ADCY2: variants seen among roughly 807,000 people sequenced by gnomAD.
The protein encoded by ADCY2 is adenylate cyclase type 2.
Under a neutral mutation model 125.2 loss-of-function variants are expected in ADCY2, and 31 were observed. That is an observed-to-expected ratio of 0.25 (90% CI 0.19 to 0.33). The LOEUF (loss-of-function observed/expected upper bound fraction) is 0.33, where lower values mean the gene tolerates loss of function less well. Ranked by LOEUF, ADCY2 falls within the 10% of genes least tolerant of loss-of-function variation. The pLI, the probability that ADCY2 is intolerant of heterozygous loss-of-function variation, is 1.00. For synonymous variants in ADCY2, 512 were observed against 548.4 expected (o/e 0.93, Z 0.93); for missense variants, 904 against 1,418.2 (o/e 0.64, Z 5.82).
chr5:7,573,593 C>CTTTTTTTTTTTTTTTTTTTTTTTT (rs763347773), intron 3 of ADCY2, among the ~76,000 whole-genome samples: 7 of 86,358 alleles, frequency 8.1e-5, no homozygotes, highest in South Asian at 3.6e-4. Flanking sequence ...GGTTGATTTT[C>CTTTTTTTTTTTTTTTTTTTTTTTT]TTTTTTTTTT....
intron 2 of ADCY2, among the ~76,000 whole-genome samples, chr5:7,480,496 C>T (rs985147880): frequency 6.6e-6 from 1 of 152,100 alleles, no homozygotes; most frequent in African/African-American, 2.4e-5. Context: ...AAGACTAATA[C>T]ATGAACAGAA....
At chr5:7,645,802 A>G (rs1338401382) in intron 4 of ADCY2, among the ~76,000 whole-genome samples, 1 of 152,232 alleles carries the variant, frequency 6.6e-6, no homozygotes, top group African/African-American at 2.4e-5. Context: ...TTAGGGATAA[A>G]GAAAGGAATC....
intron 18 of ADCY2, among the ~76,000 whole-genome samples, chr5:7,774,654 A>C (rs1296212961): frequency 6.6e-6 from 1 of 152,168 alleles, no homozygotes; most frequent in Non-Finnish European, 1.5e-5. Context: ...TATCAGGTTG[A>C]AGAAAAGGAG....
chr5:7,596,386 T>C (rs1004163109), intron 3 of ADCY2, among the ~76,000 whole-genome samples: 2 of 152,276 alleles, frequency 1.3e-5, no homozygotes, highest in Middle Eastern at 3.4e-3. Context: ...ACAGTTGTTA[T>C]TTACAATGGA....
chr5:7,424,068 A>C (rs537346597), intron 2 of ADCY2, among the ~76,000 whole-genome samples: 4 of 152,370 alleles, frequency 2.6e-5, no homozygotes, highest in Admixed American at 6.5e-5. Context: ...AACTTTGTAC[A>C]AATAAAAATA....
At chr5:7,727,359 C>A (rs2126401311) in intron 14 of ADCY2, 98 bp downstream of exon 14, 1 of 985,918 alleles carries the variant, frequency 1.0e-6, no homozygotes, top group Non-Finnish European at 1.5e-6. Context: ...AATGTTTAGA[C>A]AGAGGGGTGA....
chr5:7,542,216 C>G (rs1735020001), intron 3 of ADCY2, among the ~76,000 whole-genome samples: 1 of 152,158 alleles, frequency 6.6e-6, no homozygotes, highest in Non-Finnish European at 1.5e-5. Flanking sequence ...AAATAGGAGA[C>G]TCAGCTTTCT....
chr5:7,739,098 A>G (rs1579375740), intron 14 of ADCY2, among the ~76,000 whole-genome samples: 1 of 151,926 alleles, frequency 6.6e-6, no homozygotes, highest in Non-Finnish European at 1.5e-5. Context: ...GAATTGAAAA[A>G]TACTTGTTTA....
At chr5:7,711,616 C>T (rs941022847) in intron 10 of ADCY2, among the ~76,000 whole-genome samples, 4 of 152,166 alleles carry the variant, frequency 2.6e-5, no homozygotes, top group Non-Finnish European at 2.9e-5. Context: ...ATTATCTGAG[C>T]GTAGGATCCA....
intron 3 of ADCY2, among the ~76,000 whole-genome samples, chr5:7,588,708 T>G (rs1426959607): frequency 6.6e-6 from 1 of 152,260 alleles, no homozygotes; most frequent in Non-Finnish European, 1.5e-5. Context: ...GAAATTTATG[T>G]AATTTTCATG....
chr5:7,626,383 A>G, intron 4 of ADCY2, 67 bp downstream of exon 4: 1 of 1,540,458 alleles, frequency 6.5e-7, no homozygotes, highest in Non-Finnish European at 8.8e-7. Context: ...GTTACTATTA[A>G]TGTTGAGTGT....
Position 7,549,734 on chromosome 5 carries a change from C to G in ADCY2, c.570+28835C>G, listed in dbSNP as rs146498428. 3.5e-3 allele frequency among the ~76,000 whole-genome samples: 531 copies of G among 152,220 alleles called. 4 individuals are homozygous for G. The highest frequency in any genetic ancestry group is 0.012 in the African/African-American group (502 of 41,532). On this transcript the variant is annotated intron_variant, in intron 3 of 24. Coordinates refer to ENST00000338316, the MANE Select transcript of ADCY2 (RefSeq NM_020546.3). The stretch of plus-strand genomic sequence containing the variant: ...CGAAGTAGCCCGGATATTTTCCCTT[C>G]AAAAATTCTCATTGTGCAGGAACAT...
At chr5:7,474,096 T>A (rs1174649739) in intron 2 of ADCY2, among the ~76,000 whole-genome samples, 1 of 152,218 alleles carries the variant, frequency 6.6e-6, no homozygotes, top group Non-Finnish European at 1.5e-5. Context: ...AGGAATGGTA[T>A]GAATTTGTAA....
At chr5:7,420,231 A>G (rs1740141508) in intron 2 of ADCY2, among the ~76,000 whole-genome samples, 1 of 152,132 alleles carries the variant, frequency 6.6e-6, no homozygotes, top group South Asian at 2.1e-4. Context: ...GAGAAGCCGC[A>G]TATCACCCAA....
intron 12 of ADCY2, among the ~76,000 whole-genome samples, chr5:7,723,516 TTTTA>T (rs762212950): frequency 1.1e-4 from 16 of 152,292 alleles, no homozygotes; most frequent in Non-Finnish European, 1.6e-4. Flanking sequence ...TCCATATAAT[TTTTA>T]TTTATTTGTC....
At chr5:7,727,142 C>CG (rs1560911147) in intron 13 of ADCY2, 22 bp from the exon 14 acceptor site, 4 of 1,583,382 alleles carry the variant, frequency 2.5e-6, no homozygotes, top group Non-Finnish European at 3.5e-6. Context: ...CTGTCACTCA[C>CG]AGGTTCCTTT....
intron 4 of ADCY2, among the ~76,000 whole-genome samples, chr5:7,659,436 C>T (rs1739452425): frequency 6.6e-6 from 1 of 152,146 alleles, no homozygotes; most frequent in African/African-American, 2.4e-5. Context: ...TTGTGTTTCA[C>T]CAGCTTTTGA....
intron 3 of ADCY2, among the ~76,000 whole-genome samples, chr5:7,593,385 G>A (rs1411411260): frequency 1.3e-5 from 2 of 152,202 alleles, no homozygotes; most frequent in Non-Finnish European, 1.5e-5. Flanking sequence ...AATTAAAGAG[G>A]TTGTTGGCTT....
intron 3 of ADCY2, among the ~76,000 whole-genome samples, chr5:7,601,798 G>T (rs145448074): frequency 1.3e-5 from 2 of 152,270 alleles, no homozygotes; most frequent in African/African-American, 4.8e-5. Context: ...TCCCTCAGCA[G>T]TGATGCATGC....
Sources: gnomAD v4.1 joint callset for allele counts (sites outside exome capture counted in the v4.1 genomes callset) on GRCh38, gnomAD v4.1.1 for gene constraint, MANE v1.5 for transcripts, NCBI Gene and HGNC (gene_info 2026-07-23, HGNC 2026-07-21) for gene names.